FADS2: variants seen among roughly 807,000 people sequenced by gnomAD.
FADS2 encodes acyl-CoA 6-desaturase.
A neutral mutation model predicts 61.2 loss-of-function variants in FADS2; 18 were observed. The observed-to-expected ratio is 0.29, with a 90% CI of 0.20 to 0.44. The LOEUF (loss-of-function observed/expected upper bound fraction) is 0.44. Among genes scored for constraint, FADS2 ranks in the 20% least tolerant of loss-of-function variants. The probability of loss-of-function intolerance (pLI) is 1.00; values close to 1 mark genes in which losing one functional copy is unlikely to be tolerated. For synonymous variants in FADS2, 203 were observed against 223.9 expected (o/e 0.91, Z 0.83); for missense variants, 322 against 572.7 (o/e 0.56, Z 4.47).
chr11:61,845,923 C>A (rs954666878), intron 4 of FADS2, among the ~76,000 whole-genome samples: 1 of 152,084 alleles, frequency 6.6e-6, no homozygotes, highest in Non-Finnish European at 1.5e-5. Flanking sequence ...GTCAGCCCGT[C>A]TTGCTTTCCT....
chr11:61,829,784 G>T (rs1345882648), intron 1 of FADS2, among the ~76,000 whole-genome samples: 1 of 152,164 alleles, frequency 6.6e-6, no homozygotes, highest in East Asian at 1.9e-4. Flanking sequence ...AACTGTTGGT[G>T]GGCTTTTGCT....
At chr11:61,862,923 C>T in intron 7 of FADS2, 49 bp from the exon 8 acceptor site, 1 of 1,486,004 alleles carries the variant, frequency 6.7e-7, no homozygotes, top group Non-Finnish European at 9.4e-7. Context: ...CACTTGGTGC[C>T]AGGGCAGAGG....
intron 1 of FADS2, chr11:61,821,407 G>C (rs946857242): frequency 1.4e-6 from 1 of 702,094 alleles, no homozygotes; most frequent in Admixed American, 2.0e-5. Context: ...CCTTAATGCC[G>C]ATTGTAATGA....
At chr11:61,829,567 G>C (rs1440766069) in intron 1 of FADS2, among the ~76,000 whole-genome samples, 1 of 152,232 alleles carries the variant, frequency 6.6e-6, no homozygotes, top group Non-Finnish European at 1.5e-5. Flanking sequence ...TAAGGATGCA[G>C]CTGGTATCCC....
In FADS2 at chr11:61,866,110, G is replaced by C. The variant is rs1030473384; in HGVS notation, c.*421G>C. 25 of 401,700 alleles carry C rather than the reference G, an allele frequency of 6.2e-5. 1 individual carries two copies. The highest frequency in any genetic ancestry group is 2.2e-5 in the Non-Finnish European group (5 of 228,402). The allele number at this position is 401,700 out of a possible 1,614,324, so 24.9% of individuals were successfully genotyped here. ...CGCTTTGGTTCTTCAGATGCTCTTG[G>C]GGTTCATAGGGGCAGGTCCTAGTCG... On this transcript the variant is annotated 3_prime_UTR_variant, in exon 12 of 12. Transcript: ENST00000278840.
At chr11:61,821,555 T>A in intron 1 of FADS2, 1 of 638,032 alleles carries the variant, frequency 1.6e-6, no homozygotes, top group East Asian at 2.7e-5. Flanking sequence ...AGTCAACACA[T>A]ATAGGAGAAG....
intron 4 of FADS2, chr11:61,846,753 A>G (rs1486252931): frequency 6.6e-6 from 1 of 152,114 alleles, no homozygotes; most frequent in East Asian, 1.9e-4. Flanking sequence ...TGTGGCCTCA[A>G]AAGAAATATC....
At chr11:61,853,424 A>T (rs1022011254) in intron 5 of FADS2, among the ~76,000 whole-genome samples, 1 of 151,404 alleles carries the variant, frequency 6.6e-6, no homozygotes, top group African/African-American at 2.4e-5. Flanking sequence ...TATTGCATTG[A>T]CGGGAAATTT....
intron 1 of FADS2, among the ~76,000 whole-genome samples, chr11:61,833,536 C>T (rs2067146198): frequency 6.6e-6 from 1 of 152,214 alleles, no homozygotes; most frequent in African/African-American, 2.4e-5. Context: ...GTGACTCAAA[C>T]TCTACTCAGC....
chr11:61,865,229 T>C lies in FADS2; in HGVS notation c.1235T>C (p.Ile412Thr). 3 of 1,613,810 alleles carry C rather than the reference T, an allele frequency of 1.9e-6. No homozygotes were observed. The highest frequency in any genetic ancestry group is 8.5e-7 in the Non-Finnish European group (1 of 1,180,000). ...AAGTCTCTATGTGCCAAGCATGGCA[T>C]TGAATACCAGGAGAAGCCGCTACTG... ...LVKSLCAKHG[I>T]EYQEKPLLRA... The change falls in exon 11 of 12, where the codon ATT becomes ACT. Residue 412 changes from isoleucine to threonine, a missense_variant. Coordinates refer to ENST00000278840, the MANE Select transcript of FADS2 (RefSeq NM_004265.4). This position sits in a 1 kb window ranked among gnomAD's most constrained non-coding sequence, Gnocchi z 4.1.
chr11:61,859,031 G>A (rs896805684), intron 7 of FADS2, among the ~76,000 whole-genome samples: 1 of 152,046 alleles, frequency 6.6e-6, no homozygotes, highest in Non-Finnish European at 1.5e-5. Context: ...ACCAAATGTG[G>A]ACTTGTTTAT....
At chr11:61,852,054 C>T (rs1381823910) in intron 5 of FADS2, among the ~76,000 whole-genome samples, 4 of 152,064 alleles carry the variant, frequency 2.6e-5, no homozygotes, top group Non-Finnish European at 5.9e-5. Context: ...CCAGTTTTCC[C>T]GGCACCCCCA....
rs1475704182 is a variant in FADS2, at chr11:61,865,101, C to A, written c.1158-51C>A. On this transcript the variant is annotated intron_variant, in intron 10 of 11. Coordinates refer to ENST00000278840, the MANE Select transcript of FADS2 (RefSeq NM_004265.4). This position sits in a 1 kb window ranked among gnomAD's most constrained non-coding sequence, Gnocchi z 4.1. ...CCCAGGTGGTGGGAGGAAGCGGGAGCAGCATGGCCCTCTGAGTCCTCACGC... is the reference window on the plus strand; with the variant it reads ...CCCAGGTGGTGGGAGGAAGCGGGAGAAGCATGGCCCTCTGAGTCCTCACGC... The A allele has an allele frequency of 1.9e-6, 3 of 1,577,568 alleles. No individual in the cohort carries two copies. Among genetic ancestry groups the A allele is most frequent in the African/African-American group, 2.7e-5 (2 of 74,368 alleles).
chr11:61,857,304 G>C, intron 6 of FADS2, 150 bp from the exon 7 acceptor site: 3 of 777,136 alleles, frequency 3.9e-6, no homozygotes, highest in Non-Finnish European at 6.6e-6. Flanking sequence ...AGGGCTCCCA[G>C]CCTTCTCTGC....
intron 5 of FADS2, chr11:61,855,102 C>T (rs1030159108): frequency 1.3e-5 from 2 of 152,660 alleles, no homozygotes; most frequent in African/African-American, 2.4e-5. Flanking sequence ...CCAGGTGCCT[C>T]CCAGGCCCCC....
In FADS2 at chr11:61,822,210, C is replaced by T. The variant is rs151144064; in HGVS notation, c.141+5784C>T. Among the ~76,000 whole-genome samples, 190 of 152,306 alleles carry T rather than the reference C, an allele frequency of 1.2e-3. 1 individual carries two copies. Among genetic ancestry groups the T allele is most frequent in the South Asian group, 2.7e-3 (13 of 4,824 alleles). ...GGTCTCCATCTCCTGACTTGGTGAT[C>T]CACCCGCCTCAGACTCCCAAAGTGC... On this transcript the variant is annotated intron_variant, in intron 1 of 11. Transcript: ENST00000257261.
intron 1 of FADS2, among the ~76,000 whole-genome samples, chr11:61,836,028 G>C (rs1404076383): frequency 6.6e-6 from 1 of 152,108 alleles, no homozygotes; most frequent in Non-Finnish European, 1.5e-5. Context: ...CGAAAAACCT[G>C]GTATAACTTC....
chr11:61,856,964 T>A, intron 5 of FADS2, 47 bp from the exon 6 acceptor site: 1 of 1,499,302 alleles, frequency 6.7e-7, no homozygotes, highest in Non-Finnish European at 9.3e-7. Context: ...CATGGGAGGC[T>A]GGGAGCTGAG....
intron 5 of FADS2, among the ~76,000 whole-genome samples, chr11:61,850,537 C>T (rs929027015): frequency 2.0e-5 from 3 of 152,184 alleles, no homozygotes; most frequent in Admixed American, 6.5e-5. Flanking sequence ...GTGTAAGCCA[C>T]CGCGCCTGGC....
Sources: gnomAD v4.1 joint callset for allele counts (sites outside exome capture counted in the v4.1 genomes callset) on GRCh38, gnomAD v4.1.1 for gene constraint, Gnocchi (gnomAD v3.1) non-coding constraint, MANE v1.5 for transcripts, NCBI Gene and HGNC (gene_info 2026-07-23, HGNC 2026-07-21) for gene names.